Variants in EPS15L1 observed in about 807,000 individuals in gnomAD.
EPS15L1 encodes epidermal growth factor receptor substrate 15-like 1.
In EPS15L1, 43 loss-of-function variants were observed where a neutral mutation model predicts 117.1. The ratio of observed to expected loss-of-function variants is 0.37; its 90% CI spans 0.29 to 0.47. The LOEUF (loss-of-function observed/expected upper bound fraction) is 0.47. Among genes scored for constraint, EPS15L1 ranks in the 20% least tolerant of loss-of-function variants. The probability of loss-of-function intolerance (pLI) is 0.99; values close to 1 mark genes in which losing one functional copy is unlikely to be tolerated. For missense variants in EPS15L1, 981 were observed against 1,164.0 expected (o/e 0.84, Z 2.29); for synonymous variants, 459 against 470.5 (o/e 0.98, Z 0.32).
chr19:16,431,553 C>T (rs547704184), intron 7 of EPS15L1, among the ~76,000 whole-genome samples: 4 of 152,206 alleles, frequency 2.6e-5, no homozygotes, highest in South Asian at 2.1e-4. Context: ...CTGCCCGCCT[C>T]GGCCTCCCAA....
chr19:16,441,037 G>T, intron 3 of EPS15L1, 128 bp from the exon 4 acceptor site: 1 of 903,400 alleles, frequency 1.1e-6, no homozygotes, highest in Admixed American at 1.7e-5. Flanking sequence ...AGGTTGTCCT[G>T]CAGATGAAGA....
intron 22 of EPS15L1, among the ~76,000 whole-genome samples, chr19:16,364,874 C>G (rs1213669491): frequency 6.6e-6 from 1 of 152,228 alleles, no homozygotes. Context: ...AGCTCGGCTC[C>G]CTTCCCTGTG....
In EPS15L1 at chr19:16,421,311, G is replaced by A. The variant is rs373919380; in HGVS notation, c.950+8C>T. Reference sequence around the variant, plus strand: ...CCACAGCCACAACTGCCACCTGTCCGGCCTTACCATATGTGTGCTAGAAGG... The same window carrying A: ...CCACAGCCACAACTGCCACCTGTCCAGCCTTACCATATGTGTGCTAGAAGG... On this transcript the variant is annotated splice_region_variant and intron_variant, in intron 10 of 23. Coordinates refer to ENST00000455140, the MANE Select transcript of EPS15L1 (RefSeq NM_001258374.3). The A allele has an allele frequency of 1.5e-5, 24 of 1,596,882 alleles. No individual in the cohort carries two copies. The highest frequency in any genetic ancestry group is 6.7e-5 in the Admixed American group (4 of 59,650).
At chr19:16,459,739 A>G (rs377649713) in intron 1 of EPS15L1, among the ~76,000 whole-genome samples, 71 of 152,220 alleles carry the variant, frequency 4.7e-4, no homozygotes, top group African/African-American at 1.7e-3. Flanking sequence ...TTGTATTATT[A>G]TTCCTGAGAC....
chr19:16,400,623 G>A, intron 16 of EPS15L1: 6 of 984,148 alleles, frequency 6.1e-6, no homozygotes, highest in Non-Finnish European at 7.2e-6. Flanking sequence ...ATAGAAACAA[G>A]CCAGAAAAAT....
chr19:16,413,013 T>C, intron 13 of EPS15L1: 1 of 725,078 alleles, frequency 1.4e-6, no homozygotes, highest in Non-Finnish European at 2.4e-6. Flanking sequence ...GGATGAGGTT[T>C]TGAAGATTAT....
At chr19:16,422,695 A>G (rs1000831758) in intron 9 of EPS15L1, among the ~76,000 whole-genome samples, 1 of 152,058 alleles carries the variant, frequency 6.6e-6, no homozygotes, top group African/African-American at 2.4e-5. Context: ...AGTGGCTCAC[A>G]CCTATAATCC....
intron 1 of EPS15L1, among the ~76,000 whole-genome samples, chr19:16,444,151 A>C (rs2093060891): frequency 6.7e-6 from 1 of 150,196 alleles, no homozygotes; most frequent in Non-Finnish European, 1.5e-5. Flanking sequence ...TAAAGATCTG[A>C]AAGGGGAGAG....
intron 19 of EPS15L1, among the ~76,000 whole-genome samples, chr19:16,389,155 G>C (rs904652983): frequency 6.6e-6 from 1 of 151,110 alleles, no homozygotes; most frequent in African/African-American, 2.4e-5. Context: ...AAAAAAAAAA[G>C]AAAAGAAAAG....
At chr19:16,464,729 T>TACACTAACACTA (rs149531973) in intron 1 of EPS15L1, among the ~76,000 whole-genome samples, 46,221 of 148,448 alleles carry the variant, frequency 0.31, 7,540 homozygotes, top group Admixed American at 0.39. Flanking sequence ...ACACATAAAA[T>TACACTAACACTA]ACACTAACAC....
rs780458175 is a variant in EPS15L1, at chr19:16,434,487, C to T, written c.376G>A (p.Glu126Lys). The change falls in exon 7 of 24, where the codon GAA (glutamate) becomes AAA (lysine). Residue 126 changes from glutamate (E) to lysine (K), a missense_variant. This residue lies in a region of EPS15L1 where 52 missense variants were observed against 53.1 expected (regional missense o/e 0.98). Coordinates refer to ENST00000455140, the MANE Select transcript of EPS15L1 (RefSeq NM_001258374.3). ...SAEAHWAVRV[E>K]EKAKFDGIFE... ...ATCCCATCAAATTTGGCCTTTTCTT[C>T]CACCTAGTTGGAAAGAAATAGCCCG... 18 of 1,613,498 alleles carry T rather than the reference C, an allele frequency of 1.1e-5. No homozygotes were observed. Among genetic ancestry groups the T allele is most frequent in the Non-Finnish European group, 1.4e-5 (16 of 1,179,724 alleles).
At chr19:16,368,843 A>G (rs2092177662) in intron 22 of EPS15L1, among the ~76,000 whole-genome samples, 1 of 152,214 alleles carries the variant, frequency 6.6e-6, no homozygotes, top group Non-Finnish European at 1.5e-5. Flanking sequence ...ACTGTCATTC[A>G]TCCTACACAA....
rs561482530 is a variant in EPS15L1 at position 16,464,070 on chromosome 19, C to A, written c.33+7843G>T. Among the ~76,000 whole-genome samples, 7 of 152,366 alleles carry A rather than the reference C, an allele frequency of 4.6e-5. No individual in the cohort carries two copies. The East Asian group carries it at 1.2e-3, about 25-fold the overall frequency. On this transcript the variant is annotated intron_variant, in intron 1 of 23. Coordinates refer to ENST00000455140, the MANE Select transcript of EPS15L1 (RefSeq NM_001258374.3). ...TGCCGGTAGCAGCGCCTGATCCAGC[C>A]TGGCTGGTGTGCCCAAGAGGAGGAG...
In EPS15L1 at chr19:16,377,236, A is replaced by G. The variant is rs760069683; in HGVS notation, c.2266T>C (p.Phe756Leu). ...CCTGCCCCTCCCAAGGAGGAGGTGA[A>G]AGGGCCAGAAGGTGGGGGCTGTAAG... is the stretch of plus-strand genomic sequence containing the variant. ...QMSKPPPSGP[F>L]TSSLGGAGFS... Residue 756 changes from phenylalanine to leucine, a missense_variant, in exon 22 of 24, where the codon TTC (phenylalanine) becomes CTC (leucine). Physicochemically the swap from Phe to Leu is conservative, Grantham distance 22 (BLOSUM62 0). Coordinates refer to ENST00000455140, the MANE Select transcript of EPS15L1 (RefSeq NM_001258374.3). 9.3e-6 allele frequency: 15 copies of G among 1,610,986 alleles called. No homozygotes were observed. In the East Asian group the frequency reaches 3.3e-4, roughly 36 times the overall value.
At chr19:16,464,833 C>T (rs2093286727) in intron 1 of EPS15L1, among the ~76,000 whole-genome samples, 1 of 152,160 alleles carries the variant, frequency 6.6e-6, no homozygotes, top group South Asian at 2.1e-4. Context: ...CCTGTAATCC[C>T]AGCACTTTGG....
At position 16,413,803 on chromosome 19, in the gene EPS15L1, C is replaced by T; in HGVS notation, c.1236G>A (p.Glu412=). 1 of 1,614,026 alleles carries T rather than the reference C, an allele frequency of 6.2e-7. No individual in the cohort carries two copies. Among genetic ancestry groups the T allele is most frequent in the East Asian group, 2.2e-5 (1 of 44,888 alleles). ...CCTCGCTGGTTTTCTGTCTGATTGC[C>T]TCTTCCTTTTCTCGAATGTCTTGTT... ...SLEQDIREKE[E]AIRQKTSEVQ... is the part of the protein sequence containing the mutation. The change falls in exon 13 of 24, where the codon GAG becomes GAA. Residue 412 remains glutamate (E), a synonymous_variant. Transcript: ENST00000455140.
At chr19:16,356,212 C>A (rs1460809476) in intron 23 of EPS15L1, 1 of 300,100 alleles carries the variant, frequency 3.3e-6, no homozygotes, top group South Asian at 6.1e-5. Flanking sequence ...GCTCTAAAGC[C>A]CCACGGCGCA....
At chr19:16,434,219 C>T in intron 7 of EPS15L1, 146 bp downstream of exon 7, 1 of 1,102,468 alleles carries the variant, frequency 9.1e-7, no homozygotes, top group Non-Finnish European at 1.3e-6. Context: ...TGGGGCTGGA[C>T]CCACAGGAGC....
chr19:16,377,226 G>T lies in EPS15L1; in HGVS notation c.2276C>A (p.Ser759Tyr). The stretch of plus-strand genomic sequence containing the variant: ...ATCTGAGAATCCTGCCCCTCCCAAG[G>T]AGGAGGTGAAAGGGCCAGAAGGTGG... ...KPPPSGPFTSSLGGAGFSDDP... is the reference protein window; with the variant it reads ...KPPPSGPFTSYLGGAGFSDDP... The change falls in exon 22 of 24, where the codon TCC becomes TAC. Residue 759 changes from serine (S) to tyrosine (Y), a missense_variant. This residue lies in a region of EPS15L1 where 819 missense variants were observed against 949.0 expected (regional missense o/e 0.86). Transcript: ENST00000455140. The T allele has an allele frequency of 6.2e-7, 1 of 1,613,140 alleles. No homozygotes were observed. The highest frequency in any genetic ancestry group is 1.1e-5 in the South Asian group (1 of 90,966).
Sources: allele counts gnomAD v4.1 joint callset (sites outside exome capture counted in the v4.1 genomes callset), GRCh38; gene constraint gnomAD v4.1.1; regional missense constraint gnomAD v4.1.1; transcripts MANE v1.5; gene names NCBI Gene and HGNC (gene_info 2026-07-23, HGNC 2026-07-21).